EFHC1: variants seen among roughly 807,000 people sequenced by gnomAD.
EFHC1 encodes the protein EF-hand domain containing 1, also known as EF-hand domain-containing protein 1.
EFHC1 carries 53 observed loss-of-function variants against 69.9 expected under a neutral mutation model. That is an observed-to-expected ratio of 0.76 (90% CI 0.61 to 0.95). The LOEUF (loss-of-function observed/expected upper bound fraction) is 0.95. EFHC1 is among the 40% of genes least tolerant of loss of function. The pLI, the probability that EFHC1 is intolerant of heterozygous loss-of-function variation, is 0.00. For synonymous variants in EFHC1, 256 were observed against 278.4 expected (o/e 0.92, Z 0.80); for missense variants, 739 against 798.7 (o/e 0.93, Z 0.90).
chr6:52,492,586 G>T lies in EFHC1; in HGVS notation c.*245G>T. 1.6e-6 allele frequency: 1 copy of T among 642,510 alleles called. No individual in the cohort carries two copies. The highest frequency in any genetic ancestry group is 2.9e-6 in the Non-Finnish European group (1 of 349,240). 39.8% of individuals were successfully genotyped at this position (642,510 alleles called of 1,614,324 possible). A position where few individuals can be genotyped will look rare whatever the true frequency, so the allele number is the denominator to read the frequency against. On this transcript the variant is annotated 3_prime_UTR_variant, in exon 11 of 11. Transcript: ENST00000371068. ...GTGTCAAATTGACTTGGCCACAGGG[G>T]GCCCAAATATTTCCTTTCTTTCTTT...
chr6:52,444,143 C>G (rs1764728182), intron 3 of EFHC1, among the ~76,000 whole-genome samples: 2 of 152,092 alleles, frequency 1.3e-5, no homozygotes, highest in Admixed American at 6.5e-5. Context: ...GATTTTGTAT[C>G]CTGAGACTTT....
intron 2 of EFHC1, among the ~76,000 whole-genome samples, chr6:52,438,098 TA>T (rs1278252403): frequency 2.6e-5 from 4 of 152,002 alleles, no homozygotes; most frequent in African/African-American, 9.7e-5. Flanking sequence ...TTGCAGGTCA[TA>T]AAAAAAACAG....
At chr6:52,471,882 T>TA (rs1439539976) in intron 7 of EFHC1, among the ~76,000 whole-genome samples, 1 of 150,592 alleles carries the variant, frequency 6.6e-6, no homozygotes, top group Non-Finnish European at 1.5e-5. Flanking sequence ...TAAAATAAAA[T>TA]AAATAAATAA....
intron 7 of EFHC1, 35 bp from the exon 8 acceptor site, chr6:52,479,002 A>G (rs1765605897): frequency 1.3e-6 from 2 of 1,599,062 alleles, no homozygotes; most frequent in Non-Finnish European, 8.5e-7. Context: ...TAGACCATGA[A>G]CCTTCATAAT....
Position 52,479,185 on chromosome 6 carries a change from A to C in EFHC1, c.1427A>C (p.Tyr476Ser). The stretch of plus-strand genomic sequence containing the variant: ...GGCAGGACTAAAGTTGTTAAACCAT[A>C]CTCTACAGTGGACAACCCTGTCTAC... ...YLGRTKVVKP[Y>S]STVDNPVYYG... is the part of the protein sequence containing the mutation. Residue 476 changes from tyrosine (Y) to serine (S), a missense_variant, in exon 8 of 11, where the codon TAC (tyrosine) becomes TCC (serine). By Grantham distance (144) the Tyr-to-Ser change is moderately radical (BLOSUM62 -2). Coordinates refer to ENST00000371068, the MANE Select transcript of EFHC1 (RefSeq NM_018100.4). The C allele has an allele frequency of 1.2e-6, 2 of 1,613,926 alleles. No homozygotes were observed. Among genetic ancestry groups the C allele is most frequent in the African/African-American group, 2.7e-5 (2 of 74,952 alleles).
At chr6:52,465,811 A>C (rs1194028771) in intron 6 of EFHC1, among the ~76,000 whole-genome samples, 1 of 148,696 alleles carries the variant, frequency 6.7e-6, no homozygotes, top group Non-Finnish European at 1.5e-5. Flanking sequence ...AGTCTGTCTC[A>C]AAAAAATATG....
At chr6:52,480,212 A>C (rs541462160) in intron 9 of EFHC1, 1 of 281,304 alleles carries the variant, frequency 3.6e-6, no homozygotes, top group African/African-American at 2.2e-5. Flanking sequence ...GAAAATAATA[A>C]GAAAGAGAAA....
chr6:52,442,707 T>G (rs1764692407), intron 3 of EFHC1, among the ~76,000 whole-genome samples: 1 of 152,216 alleles, frequency 6.6e-6, no homozygotes, highest in Non-Finnish European at 1.5e-5. Flanking sequence ...GTTGGACATT[T>G]GGGTTGGTTC....
At chr6:52,426,898 C>A (rs956928511) in intron 2 of EFHC1, among the ~76,000 whole-genome samples, 2 of 152,204 alleles carry the variant, frequency 1.3e-5, no homozygotes, top group Admixed American at 1.3e-4. Context: ...ATGCTTATAA[C>A]AGGTATGCTG....
At chr6:52,489,504 C>T (rs1765852214) in intron 9 of EFHC1, 1 of 152,314 alleles carries the variant, frequency 6.6e-6, no homozygotes, top group Admixed American at 6.5e-5. Context: ...AATTGAGCCT[C>T]TACTTATTGT....
intron 1 of EFHC1, among the ~76,000 whole-genome samples, chr6:52,422,522 C>T (rs1380972160): frequency 6.6e-6 from 1 of 152,010 alleles, no homozygotes. Flanking sequence ...TTCTGTTGTA[C>T]CTTTCATGTT....
chr6:52,458,678 T>G (rs1474659707), intron 5 of EFHC1, among the ~76,000 whole-genome samples: 1 of 152,278 alleles, frequency 6.6e-6, no homozygotes, highest in Non-Finnish European at 1.5e-5. Context: ...TTGGTGGGAA[T>G]GTGAACTAGT....
Position 52,492,674 on chromosome 6 carries a change from G to T in EFHC1, c.*333G>T, listed in dbSNP as rs1765935227. 1 of 457,990 alleles carries T rather than the reference G, an allele frequency of 2.2e-6. No individual in the cohort carries two copies. The highest frequency in any genetic ancestry group is 1.6e-5 in the South Asian group (1 of 62,464). The allele number at this position is 457,990 out of a possible 1,614,324, so 28.4% of individuals were successfully genotyped here. A position where few individuals can be genotyped will look rare whatever the true frequency, so the allele number is the denominator to read the frequency against. ...CTGTCATACAGGCTGGAGTGTGGTG[G>T]CACTATCCTAGTTCTATGAAGCCTC... On this transcript the variant is annotated 3_prime_UTR_variant, in exon 11 of 11. Transcript: ENST00000371068.
chr6:52,490,484 C>T, intron 10 of EFHC1, 134 bp downstream of exon 10: 1 of 749,486 alleles, frequency 1.3e-6, no homozygotes, highest in Non-Finnish European at 2.3e-6. Context: ...ACTATTCTGT[C>T]CTGATTAGGT....
chr6:52,494,143 G>A lies in EFHC1; in HGVS notation c.*1802G>A, dbSNP rs116513025. On this transcript the variant is annotated 3_prime_UTR_variant, in exon 11 of 11. Coordinates refer to ENST00000371068, the MANE Select transcript of EFHC1 (RefSeq NM_018100.4). ...TGGGGCTATGTCTCAATAAACTCAC[G>A]TAAGTAAAAAATATCACAAGTTGAA... 532 of 453,950 alleles carry A rather than the reference G, an allele frequency of 1.2e-3. 3 individuals are homozygous for A. The highest frequency in any genetic ancestry group is 9.2e-3 in the African/African-American group (458 of 50,030). 28.1% of individuals were successfully genotyped at this position (453,950 alleles called of 1,614,324 possible). A position where few individuals can be genotyped will look rare whatever the true frequency, so the allele number is the denominator to read the frequency against.
intron 5 of EFHC1, among the ~76,000 whole-genome samples, chr6:52,459,697 C>T (rs371279647): frequency 2.0e-5 from 3 of 151,606 alleles, no homozygotes; most frequent in East Asian, 1.9e-4. Flanking sequence ...TTTTTTGAGA[C>T]GGAGTCTCGC....
At chr6:52,476,270 AAAC>A (rs1765543943) in intron 7 of EFHC1, among the ~76,000 whole-genome samples, 1 of 152,338 alleles carries the variant, frequency 6.6e-6, no homozygotes, top group South Asian at 2.1e-4. Flanking sequence ...CTGTAATTCT[AAAC>A]AACATCAGTG....
chr6:52,485,670 C>T (rs958896474), intron 9 of EFHC1: 1 of 152,150 alleles, frequency 6.6e-6, no homozygotes, highest in Non-Finnish European at 1.5e-5. Context: ...AGCCTGGCAC[C>T]ACCTACTCTC....
rs1764326656 is a variant in EFHC1 at position 52,427,552 on chromosome 6, CTCT to C, written c.285+3387_285+3389del. Among the ~76,000 whole-genome samples, 5 of 57,478 alleles carry C rather than the reference CTCT, an allele frequency of 8.7e-5. No individual in the cohort carries two copies. The South Asian group carries it at 2.5e-3, about 29-fold the overall frequency. 37.7% of individuals were successfully genotyped at this position (57,478 alleles called of 152,430 possible). ...CCTCATTTTTCTATATCACTTCCCT[CTCT>C]TTTTTTTTTTTCCCCTTTGCAGCAC... On this transcript the variant is annotated intron_variant, in intron 2 of 10. Coordinates refer to ENST00000371068, the MANE Select transcript of EFHC1 (RefSeq NM_018100.4).
Sources: gnomAD v4.1 joint callset for allele counts (sites outside exome capture counted in the v4.1 genomes callset) on GRCh38, gnomAD v4.1.1 for gene constraint, MANE v1.5 for transcripts, NCBI Gene and HGNC (gene_info 2026-07-23, HGNC 2026-07-21) for gene names.